Variants in MZT2A observed in about 807,000 individuals in gnomAD.
MZT2A encodes the protein mitotic spindle organizing protein 2A.
Under a neutral mutation model 12.4 loss-of-function variants are expected in MZT2A, and 8 were observed. That is an observed-to-expected ratio of 0.64 (90% CI 0.38 to 1.16). The LOEUF (loss-of-function observed/expected upper bound fraction) is 1.16. Ranked by LOEUF, MZT2A falls within the 50% of genes most tolerant of loss-of-function variation. MZT2A has a pLI of 0.01. For missense variants in MZT2A, 181 were observed against 223.6 expected (o/e 0.81, Z 1.22); for synonymous variants, 88 against 107.5 (o/e 0.82, Z 1.12).
At chr2:131,470,675 A>G (rs545276014) in intron 3 of MZT2A, among the ~76,000 whole-genome samples, 10,954 of 136,520 alleles carry the variant, frequency 0.08, 633 homozygotes, top group African/African-American at 0.3. Flanking sequence ...GCAAAGGTGA[A>G]TAAAGCATTT....
rs545197483 is a variant in MZT2A, at chr2:131,485,431, C to T, written c.320-1213G>A. Among the ~76,000 whole-genome samples, 88 of 152,294 alleles carry T rather than the reference C, an allele frequency of 5.8e-4. No individual in the cohort carries two copies. In the South Asian group the frequency reaches 0.016, roughly 27 times the overall value. On this transcript the variant is annotated intron_variant, in intron 2 of 2. Transcript: ENST00000309451. ...CCACCCCAGCCAAATTCCTTGCACCCTCATAGAAACTCCACACCCCACCCC... is the reference window on the plus strand; with the variant it reads ...CCACCCCAGCCAAATTCCTTGCACCTTCATAGAAACTCCACACCCCACCCC...
intron 2 of MZT2A, 68 bp from the exon 3 acceptor site, chr2:131,484,286 G>A (rs1442439779): frequency 5.1e-6 from 8 of 1,579,602 alleles, no homozygotes; most frequent in East Asian, 2.3e-5. Context: ...TGCTGTACTC[G>A]TGCTCCTTGG....
At chr2:131,476,147 G>C in intron 2 of MZT2A, 1 of 1,613,196 alleles carries the variant, frequency 6.2e-7, no homozygotes, top group Non-Finnish European at 8.5e-7. Flanking sequence ...CAGCAGCTGT[G>C]GCAGCCGGTT....
intron 2 of MZT2A, chr2:131,491,560 C>T (rs1183253016): frequency 2.5e-5 from 13 of 511,604 alleles, no homozygotes; most frequent in Non-Finnish European, 4.5e-5. Context: ...GCGCCCAGCC[C>T]CAAACCGTCT....
chr2:131,492,154 A>G, intron 1 of MZT2A, 53 bp downstream of exon 1: 1 of 1,536,928 alleles, frequency 6.5e-7, no homozygotes, highest in South Asian at 1.2e-5. Context: ...GTACCCGGAG[A>G]GCAGAGGTCG....
chr2:131,492,784 G>A (rs559569781), upstream of MZT2A: 6 of 1,352,776 alleles, frequency 4.4e-6, no homozygotes, highest in African/African-American at 1.5e-5. Flanking sequence ...CGCTCTTCGG[G>A]GGGGGTGGGG....
intron 2 of MZT2A, chr2:131,478,118 A>C (rs1384353869): frequency 1.9e-6 from 3 of 1,589,214 alleles, no homozygotes; most frequent in African/African-American, 1.3e-5. Flanking sequence ...TATAGTTTCA[A>C]GTTGCCTTGA....
chr2:131,476,088 G>A lies in MZT2A; in HGVS notation c.279-3906C>T, dbSNP rs2622025. The A allele has an allele frequency of 1.2e-4, 185 of 1,551,050 alleles. 1 individual carries two copies. Among genetic ancestry groups the A allele is most frequent in the Non-Finnish European group, 1.6e-4 (179 of 1,146,178 alleles). On this transcript the variant is annotated intron_variant and NMD_transcript_variant, in intron 2 of 4. Coordinates refer to the MZT2A transcript ENST00000427024. ...GAGCCAATGGCGGCCTGGCACCGGCGGGCCAATCCCGTGCGGCGCGCACAG... is the reference window on the plus strand; with the variant it reads ...GAGCCAATGGCGGCCTGGCACCGGCAGGCCAATCCCGTGCGGCGCGCACAG...
chr2:131,479,499 G>T, downstream of MZT2A: 1 of 1,603,318 alleles, frequency 6.2e-7, no homozygotes, highest in Non-Finnish European at 8.5e-7. Flanking sequence ...TTGCATGGGA[G>T]GGGTAGTTCT....
At chr2:131,492,781 CGGGGG>C, upstream of MZT2A, 1 of 772,204 alleles carries the variant, frequency 1.3e-6, no homozygotes, top group African/African-American at 3.2e-5. Flanking sequence ...GGTCGCTCTT[CGGGGG>C]GGGTGGGGGG....
chr2:131,472,613 G>A (rs554728202), intron 2 of MZT2A, among the ~76,000 whole-genome samples: 102 of 152,196 alleles, frequency 6.7e-4, no homozygotes, highest in African/African-American at 2.0e-3. Flanking sequence ...TATTTTTCCC[G>A]TAGCTTTTCT....
intron 3 of MZT2A, chr2:131,471,949 A>C (rs1704995030): frequency 1.0e-6 from 1 of 958,346 alleles, no homozygotes; most frequent in African/African-American, 1.8e-5. Flanking sequence ...TCCTGCGTGC[A>C]GCAGGGACAG....
chr2:131,479,461 G>A (rs1678777736), downstream of MZT2A: 1 of 1,613,354 alleles, frequency 6.2e-7, no homozygotes, highest in Admixed American at 1.7e-5. Context: ...AAACTGGTAA[G>A]AAGAGAAGGT....
At chr2:131,475,998 A>G in intron 2 of MZT2A, 1 of 936,302 alleles carries the variant, frequency 1.1e-6, no homozygotes, top group South Asian at 1.7e-5. Context: ...CGTCCCCAGT[A>G]CACATGTTGA....
intron 2 of MZT2A, chr2:131,490,451 C>G: frequency 1.5e-6 from 2 of 1,347,262 alleles, no homozygotes; most frequent in Non-Finnish European, 1.9e-6. Context: ...GCTCTTTACA[C>G]TCACCACTAG....
At chr2:131,478,967 GTT>G (rs199792853), downstream of MZT2A, among the ~76,000 whole-genome samples, 1,554 of 152,344 alleles carry the variant, frequency 0.01, 29 homozygotes, top group African/African-American at 0.035. Flanking sequence ...GACTGCCCAG[GTT>G]GTAAGAGTTT....
chr2:131,478,215 G>A (rs754071611), intron 2 of MZT2A: 1 of 1,614,132 alleles, frequency 6.2e-7, no homozygotes. Flanking sequence ...GATCGGCAAT[G>A]CCTGCTGGGA....
At chr2:131,481,152 C>T (rs542275019), downstream of MZT2A, among the ~76,000 whole-genome samples, 37 of 152,180 alleles carry the variant, frequency 2.4e-4, 1 homozygote, top group East Asian at 6.8e-3. Context: ...GATCTGCCTG[C>T]CTCAGCCTCC....
intron 2 of MZT2A, among the ~76,000 whole-genome samples, chr2:131,473,474 G>A (rs1442274182): frequency 1.3e-5 from 2 of 150,620 alleles, no homozygotes; most frequent in Non-Finnish European, 2.9e-5. Flanking sequence ...GGAAAGTTAA[G>A]GGCCTGCTTG....
Sources: gnomAD v4.1 joint callset for allele counts (sites outside exome capture counted in the v4.1 genomes callset) on GRCh38, gnomAD v4.1.1 for gene constraint, MANE v1.5 for transcripts, NCBI Gene and HGNC (gene_info 2026-07-23, HGNC 2026-07-21) for gene names.